OR2L13: variants seen among roughly 807,000 people sequenced by gnomAD.
OR2L13 encodes olfactory receptor family 2 subfamily L member 13.
In OR2L13, 14 loss-of-function variants were observed where a neutral mutation model predicts 15.3. The observed-to-expected ratio is 0.91, with a 90% confidence interval of 0.60 to 1.43. OR2L13 has a LOEUF of 1.43. OR2L13 is among the 40% of genes most tolerant of loss of function. The probability of loss-of-function intolerance (pLI) is 0.00; values close to 1 mark genes in which losing one functional copy is unlikely to be tolerated. For synonymous variants in OR2L13, 152 were observed against 142.9 expected, an observed-to-expected ratio of 1.06 and a Z score of -0.45; for missense variants, 367 against 387.9, an observed-to-expected ratio of 0.95 and a Z score of 0.45.
the OR2L13 span, chr1:247,965,360 A>G: frequency 6.2e-7 from 1 of 1,600,328 alleles, no homozygotes; most frequent in Non-Finnish European, 8.5e-7. Context: ...ATCTCCTTTG[A>G]TATTTTGGTT....
the OR2L13 span, among the ~76,000 whole-genome samples, chr1:247,983,751 A>G: frequency 6.6e-6 from 1 of 152,222 alleles, no homozygotes; most frequent in Non-Finnish European, 1.5e-5. Context: ...ATCACAGAAC[A>G]TATCTCCTGC....
At chr1:248,083,747 T>C in the OR2L13 span, 1 of 1,614,022 alleles carries the variant, frequency 6.2e-7, no homozygotes, top group Non-Finnish European at 8.5e-7. Flanking sequence ...TGAGGGGGTT[T>C]AGTAAAGGGG....
the OR2L13 span, chr1:247,949,029 A>T: frequency 1.2e-6 from 2 of 1,613,866 alleles, no homozygotes; most frequent in Middle Eastern, 3.3e-4. Context: ...CCACACACCC[A>T]TGTATTTCCT....
chr1:247,965,374 G>A, the OR2L13 span: 5 of 1,606,114 alleles, frequency 3.1e-6, no homozygotes, highest in Non-Finnish European at 4.2e-6. Flanking sequence ...TTTGGTTTCA[G>A]CCATGAAAAC....
chr1:248,021,990 G>T, the OR2L13 span: 1 of 1,613,612 alleles, frequency 6.2e-7, no homozygotes, highest in African/African-American at 1.3e-5. Flanking sequence ...CATCTTATTG[G>T]GGCTGTTCCC....
the OR2L13 span, among the ~76,000 whole-genome samples, chr1:247,962,105 T>A: frequency 6.6e-6 from 1 of 152,142 alleles, no homozygotes; most frequent in East Asian, 1.9e-4. Context: ...GAGGAGAAAG[T>A]CTAAGAAATA....
chr1:248,027,621 G>A, the OR2L13 span, among the ~76,000 whole-genome samples: 1 of 152,092 alleles, frequency 6.6e-6, no homozygotes, highest in Non-Finnish European at 1.5e-5. Flanking sequence ...GACACTTAGG[G>A]AAAATAGAAA....
At chr1:248,043,219 A>G in the OR2L13 span, among the ~76,000 whole-genome samples, 5 of 152,186 alleles carry the variant, frequency 3.3e-5, no homozygotes, top group Non-Finnish European at 7.4e-5. Context: ...CTCTCCACCT[A>G]TATACAATAG....
chr1:248,041,408 A>C, the OR2L13 span: 3 of 152,338 alleles, frequency 2.0e-5, no homozygotes, highest in South Asian at 2.1e-4. Flanking sequence ...TAAAAACCCT[A>C]GAAGAAAACC....
the OR2L13 span, chr1:248,003,707 G>T: frequency 1.2e-6 from 2 of 1,613,344 alleles, no homozygotes; most frequent in South Asian, 2.2e-5. Flanking sequence ...GGACACCTGG[G>T]TCTATGAGGG....
exon 3 of OR2L13, chr1:248,100,541 T>G (rs1451669107): frequency 4.1e-6 from 1 of 241,398 alleles, no homozygotes; most frequent in Non-Finnish European, 8.5e-6. Context: ...CAATAAATTA[T>G]ATGCAATATA....
At chr1:247,968,004 C>A in the OR2L13 span, among the ~76,000 whole-genome samples, 18 of 151,880 alleles carry the variant, frequency 1.2e-4, no homozygotes, top group Non-Finnish European at 2.2e-4. Context: ...TTTTAAATCT[C>A]TTCTCATTAC....
chr1:248,083,712 A>T, the OR2L13 span: 10 of 1,612,474 alleles, frequency 6.2e-6, no homozygotes, highest in Non-Finnish European at 8.5e-6. Flanking sequence ...GGCTTCCTTG[A>T]CCTCACTGTT....
chr1:247,999,081 A>G, the OR2L13 span, among the ~76,000 whole-genome samples: 1 of 152,176 alleles, frequency 6.6e-6, no homozygotes, highest in Non-Finnish European at 1.5e-5. Context: ...CAAGTAAGAC[A>G]CGTTCACTAT....
At chr1:248,009,976 TA>T in the OR2L13 span, among the ~76,000 whole-genome samples, 1 of 152,152 alleles carries the variant, frequency 6.6e-6, no homozygotes, top group Non-Finnish European at 1.5e-5. Flanking sequence ...TCCTGCATGC[TA>T]AAAACTCTCA....
At chr1:248,063,071 T>A in the OR2L13 span, 1 of 152,246 alleles carries the variant, frequency 6.6e-6, no homozygotes, top group African/African-American at 2.4e-5. Context: ...GTGCTTTGAC[T>A]ATTTGGGTTC....
At chr1:247,997,092 C>T in the OR2L13 span, 1 of 152,046 alleles carries the variant, frequency 6.6e-6, no homozygotes, top group Non-Finnish European at 1.5e-5. Flanking sequence ...TCTGACTAGC[C>T]TATGCATATC....
At chr1:248,037,888 A>G in the OR2L13 span, among the ~76,000 whole-genome samples, 377 of 152,218 alleles carry the variant, frequency 2.5e-3, 2 homozygotes, top group African/African-American at 8.2e-3. Context: ...TGTTCTCCTC[A>G]CTTTATGTCA....
At chr1:248,062,071 T>G in the OR2L13 span, 1 of 159,486 alleles carries the variant, frequency 6.3e-6, no homozygotes, top group Non-Finnish European at 1.4e-5. Flanking sequence ...TTTGTCTTTC[T>G]TATCTTAGAC....
Sources: gnomAD v4.1 joint callset for allele counts (sites outside exome capture counted in the v4.1 genomes callset) on GRCh38, gnomAD v4.1.1 for gene constraint, MANE v1.5 for transcripts, NCBI Gene and HGNC (gene_info 2026-07-23, HGNC 2026-07-21) for gene names.